CABLES1: variants seen among roughly 807,000 people sequenced by gnomAD.
The protein encoded by CABLES1 is Cdk5 and Abl enzyme substrate 1, also known as CDK5 and ABL1 enzyme substrate 1.
Under a neutral mutation model 57.8 loss-of-function variants are expected in CABLES1, and 36 were observed. That is an observed-to-expected ratio of 0.62 (90% CI 0.48 to 0.82). The LOEUF (loss-of-function observed/expected upper bound fraction) is 0.82, where lower values mean the gene tolerates loss of function less well. Among genes scored for constraint, CABLES1 ranks in the 40% least tolerant of loss-of-function variants. CABLES1 has a pLI of 0.00. For missense variants in CABLES1, 767 were observed against 836.6 expected, an observed-to-expected ratio of 0.92 and a Z score of 1.03; for synonymous variants, 374 against 363.0, an observed-to-expected ratio of 1.03 and a Z score of -0.35.
intron 1 of CABLES1, among the ~76,000 whole-genome samples, chr18:23,185,748 G>A (rs1445355023): frequency 6.6e-6 from 1 of 152,218 alleles, no homozygotes; most frequent in Non-Finnish European, 1.5e-5. Flanking sequence ...GAAGGCCAAA[G>A]TGTGACAGAA....
At chr18:23,236,677 G>T (rs1301909336) in intron 6 of CABLES1, among the ~76,000 whole-genome samples, 1 of 152,302 alleles carries the variant, frequency 6.6e-6, no homozygotes, top group East Asian at 1.9e-4. Flanking sequence ...ACCTCTGATC[G>T]TTCGCAGCTG....
At position 23,136,009 on chromosome 18, in the gene CABLES1, G is replaced by C. The variant is rs866273283; in HGVS notation, c.247G>C (p.Ala83Pro). ...GGACGGCCGGCTGCCGCCGCAGGACGCGGAGTGGGGCGGTGGCGAGGAGGG... is the reference window on the plus strand; with the variant it reads ...GGACGGCCGGCTGCCGCCGCAGGACCCGGAGTGGGGCGGTGGCGAGGAGGG... ...SLDGRLPPQD[A>P]EWGGGEEGGA... Residue 83 changes from alanine to proline, a missense_variant, in exon 1 of 10, where the codon GCG (alanine) becomes CCG (proline). Coordinates refer to ENST00000256925, the MANE Select transcript of CABLES1 (RefSeq NM_001100619.3). 1.8e-6 allele frequency: 2 copies of C among 1,138,248 alleles called. No individual in the cohort carries two copies. The highest frequency in any genetic ancestry group is 2.2e-6 in the Non-Finnish European group (2 of 928,990). The allele number at this position is 1,138,248 out of a possible 1,614,324, so 70.5% of individuals were successfully genotyped here.
intron 4 of CABLES1, among the ~76,000 whole-genome samples, chr18:23,220,472 G>A (rs1178010392): frequency 2.6e-5 from 4 of 152,170 alleles, no homozygotes; most frequent in African/African-American, 4.8e-5. Context: ...GTGGGGGCAG[G>A]CAGTGTGGCC....
chr18:23,210,340 A>C (rs2047395907), intron 3 of CABLES1, among the ~76,000 whole-genome samples: 1 of 152,180 alleles, frequency 6.6e-6, no homozygotes, highest in African/African-American at 2.4e-5. Flanking sequence ...GGCTTTTTGC[A>C]TGCCATTTGA....
intron 4 of CABLES1, among the ~76,000 whole-genome samples, chr18:23,219,630 G>A (rs1042834979): frequency 6.6e-6 from 1 of 152,184 alleles, no homozygotes; most frequent in Non-Finnish European, 1.5e-5. Context: ...GAGAGGGCTG[G>A]GGACAGGAGT....
intron 1 of CABLES1, among the ~76,000 whole-genome samples, chr18:23,138,572 A>T (rs1307326244): frequency 6.6e-6 from 1 of 152,208 alleles, no homozygotes; most frequent in Admixed American, 6.5e-5. Flanking sequence ...AGCTGTGGAG[A>T]GGCTGCAGAC....
At chr18:23,254,810 C>G (rs1279570237) in intron 9 of CABLES1, among the ~76,000 whole-genome samples, 1 of 152,204 alleles carries the variant, frequency 6.6e-6, no homozygotes, top group East Asian at 1.9e-4. Context: ...GACCTAATCA[C>G]TCCCAAAGGC....
At chr18:23,252,085 C>CAAA in intron 7 of CABLES1, among the ~76,000 whole-genome samples, 1 of 72,328 alleles carries the variant, frequency 1.4e-5, no homozygotes. Context: ...GACTCCGTCT[C>CAAA]AAAAAAAAAA....
At chr18:23,210,351 G>T (rs1328616792) in intron 3 of CABLES1, among the ~76,000 whole-genome samples, 1 of 152,182 alleles carries the variant, frequency 6.6e-6, no homozygotes, top group African/African-American at 2.4e-5. Flanking sequence ...TGCCATTTGA[G>T]TGTAAGAGAA....
intron 1 of CABLES1, 92 bp downstream of exon 1, chr18:23,136,699 G>A (rs150139393): frequency 3.5e-6 from 3 of 855,364 alleles, no homozygotes; most frequent in Non-Finnish European, 4.8e-6. Context: ...GACACGGGTT[G>A]CTCCCATTTT....
chr18:23,192,588 C>A (rs1428480669), intron 2 of CABLES1, among the ~76,000 whole-genome samples: 4 of 152,208 alleles, frequency 2.6e-5, no homozygotes, highest in African/African-American at 9.6e-5. Context: ...TGGCCTGCTG[C>A]CCTCAGATTG....
intron 1 of CABLES1, among the ~76,000 whole-genome samples, chr18:23,188,533 C>CACCTT (rs59257654): frequency 1.0e-3 from 136 of 132,126 alleles, no homozygotes; most frequent in African/African-American, 3.8e-3. Context: ...TTACAAGAGG[C>CACCTT]ACCTTGTCTT....
intron 7 of CABLES1, among the ~76,000 whole-genome samples, chr18:23,250,177 C>T (rs1270393780): frequency 1.3e-5 from 2 of 152,232 alleles, no homozygotes; most frequent in Non-Finnish European, 2.9e-5. Context: ...TCCACATGAT[C>T]GTTAAGCAGC....
intron 9 of CABLES1, among the ~76,000 whole-genome samples, chr18:23,255,387 G>A (rs2048137581): frequency 6.6e-6 from 1 of 152,072 alleles, no homozygotes; most frequent in African/African-American, 2.4e-5. Context: ...ACTAAGGTAG[G>A]TACTCCCCAA....
At chr18:23,226,394 T>C (rs1177789576) in intron 4 of CABLES1, among the ~76,000 whole-genome samples, 1 of 114,228 alleles carries the variant, frequency 8.8e-6, no homozygotes, top group African/African-American at 3.3e-5. Context: ...AGAGTGAGAC[T>C]TCATCTCAAA....
intron 7 of CABLES1, among the ~76,000 whole-genome samples, chr18:23,239,989 G>C (rs182137573): frequency 6.6e-6 from 1 of 152,122 alleles, no homozygotes; most frequent in East Asian, 1.9e-4. Context: ...GTGGTGTTGC[G>C]CGCCTGTAGT....
chr18:23,158,795 G>A (rs150695546), intron 1 of CABLES1, among the ~76,000 whole-genome samples: 205 of 152,308 alleles, frequency 1.3e-3, no homozygotes, highest in African/African-American at 4.6e-3. Flanking sequence ...GATGTAAAGA[G>A]ATGCCGCAAA....
chr18:23,156,788 T>G (rs1950881720), intron 1 of CABLES1, among the ~76,000 whole-genome samples: 1 of 152,194 alleles, frequency 6.6e-6, no homozygotes, highest in African/African-American at 2.4e-5. Flanking sequence ...CTTGAACATG[T>G]TTTTTCTCTG....
chr18:23,213,305 T>C (rs2047417881), intron 3 of CABLES1, among the ~76,000 whole-genome samples: 1 of 152,226 alleles, frequency 6.6e-6, no homozygotes, highest in South Asian at 2.1e-4. Flanking sequence ...GCAGTTCCCT[T>C]TGGCAAAAGT....
Sources: gnomAD v4.1 joint callset for allele counts (sites outside exome capture counted in the v4.1 genomes callset) on GRCh38, gnomAD v4.1.1 for gene constraint, MANE v1.5 for transcripts, NCBI Gene and HGNC (gene_info 2026-07-23, HGNC 2026-07-21) for gene names.